The following BICC1 variants were observed in gnomAD, a reference collection of about 807,000 sequenced individuals.
BICC1 encodes protein bicaudal C homolog 1.
BICC1 carries 43 observed loss-of-function variants against 111.0 expected under a neutral mutation model. The ratio of observed to expected loss-of-function variants is 0.39; its 90% CI spans 0.30 to 0.50. The LOEUF (loss-of-function observed/expected upper bound fraction) is 0.50. BICC1 is among the 20% of genes least tolerant of loss of function. The probability of loss-of-function intolerance (pLI) is 0.88; values close to 1 mark genes in which losing one functional copy is unlikely to be tolerated. For missense variants in BICC1, 1,091 were observed against 1,203.2 expected (o/e 0.91, Z 1.38); for synonymous variants, 467 against 434.4 (o/e 1.07, Z -0.93).
chr10:58,811,533 C>T (rs978925006), intron 17 of BICC1, among the ~76,000 whole-genome samples: 9 of 152,252 alleles, frequency 5.9e-5, no homozygotes, highest in Non-Finnish European at 1.0e-4. Flanking sequence ...TTAGTGAAGG[C>T]GTCCCATAGT....
chr10:58,688,621 T>C (rs540956793), intron 2 of BICC1, among the ~76,000 whole-genome samples: 50 of 152,250 alleles, frequency 3.3e-4, no homozygotes, highest in African/African-American at 7.2e-4. Flanking sequence ...CAAAGACTTG[T>C]AACCACCCGA....
intron 1 of BICC1, among the ~76,000 whole-genome samples, chr10:58,593,983 G>T (rs1475458387): frequency 2.0e-5 from 3 of 151,772 alleles, no homozygotes; most frequent in Admixed American, 6.6e-5. Flanking sequence ...CTTTAAAAAA[G>T]GTGAGACGAA....
At chr10:58,721,693 A>G (rs570164449) in intron 3 of BICC1, among the ~76,000 whole-genome samples, 1 of 152,252 alleles carries the variant, frequency 6.6e-6, no homozygotes, top group Admixed American at 6.5e-5. Context: ...GAGCAAGAAG[A>G]AAGAGAGGGT....
intron 2 of BICC1, among the ~76,000 whole-genome samples, chr10:58,671,258 T>C (rs564478548): frequency 2.4e-4 from 37 of 152,180 alleles, no homozygotes; most frequent in African/African-American, 7.9e-4. Flanking sequence ...GTTGGAAGGG[T>C]ATTTGTTATG....
At chr10:58,709,737 C>A (rs568058048) in intron 3 of BICC1, among the ~76,000 whole-genome samples, 2 of 152,194 alleles carry the variant, frequency 1.3e-5, no homozygotes, top group African/African-American at 4.8e-5. Context: ...TCCCTATAGA[C>A]CCCTTAAGTA....
At chr10:58,824,485 G>A (rs1360336736) in intron 20 of BICC1, among the ~76,000 whole-genome samples, 2 of 152,160 alleles carry the variant, frequency 1.3e-5, no homozygotes, top group Non-Finnish European at 2.9e-5. Context: ...CATTTTGGAA[G>A]GCAGTGGGGT....
intron 3 of BICC1, among the ~76,000 whole-genome samples, chr10:58,717,006 T>G (rs1840765923): frequency 6.6e-6 from 1 of 152,022 alleles, no homozygotes; most frequent in South Asian, 2.1e-4. Flanking sequence ...CCAAAAGCTC[T>G]GGGATTTACC....
chr10:58,693,345 G>A (rs893854063), intron 2 of BICC1, among the ~76,000 whole-genome samples: 1 of 152,176 alleles, frequency 6.6e-6, no homozygotes, highest in African/African-American at 2.4e-5. Flanking sequence ...CTTTATAGCA[G>A]CATGATTTAT....
At chr10:58,703,287 C>G (rs1284711631) in intron 3 of BICC1, among the ~76,000 whole-genome samples, 3 of 83,844 alleles carry the variant, frequency 3.6e-5, no homozygotes, top group African/African-American at 1.2e-4. Context: ...ACCACAGACT[C>G]AAGTAGCTGG....
intron 2 of BICC1, among the ~76,000 whole-genome samples, chr10:58,622,875 A>G (rs545329807): frequency 1.6e-4 from 24 of 152,368 alleles, no homozygotes; most frequent in African/African-American, 5.8e-4. Flanking sequence ...AATAGGCTAC[A>G]TAGCTGTTCA....
intron 1 of BICC1, among the ~76,000 whole-genome samples, chr10:58,600,181 A>T (rs567425467): frequency 4.6e-5 from 7 of 152,188 alleles, no homozygotes; most frequent in African/African-American, 1.7e-4. Context: ...TTGAGACATC[A>T]GCTCCCAGCC....
chr10:58,655,118 A>C (rs1838591256), intron 2 of BICC1, among the ~76,000 whole-genome samples: 1 of 142,124 alleles, frequency 7.0e-6, no homozygotes, highest in African/African-American at 2.6e-5. Context: ...AGGTAGTGTG[A>C]TGCCTCCAGC....
chr10:58,769,402 GTGTATA>G (rs1176893526), intron 3 of BICC1, among the ~76,000 whole-genome samples: 7 of 112,252 alleles, frequency 6.2e-5, no homozygotes, highest in Non-Finnish European at 9.5e-5. Flanking sequence ...GTGTGTGTGT[GTGTATA>G]TATATATATA....
At chr10:58,639,910 G>C (rs754687258) in intron 2 of BICC1, among the ~76,000 whole-genome samples, 29 of 151,378 alleles carry the variant, frequency 1.9e-4, no homozygotes, top group Non-Finnish European at 3.7e-4. Flanking sequence ...ACAGGGTTTC[G>C]CCATGTTGCC....
At chr10:58,826,509 TG>T in intron 20 of BICC1, among the ~76,000 whole-genome samples, 1 of 150,836 alleles carries the variant, frequency 6.6e-6, no homozygotes, top group African/African-American at 2.4e-5. Context: ...CCCAGCACTT[TG>T]GGAGGCCAAG....
At chr10:58,601,365 A>G (rs549701974) in intron 1 of BICC1, among the ~76,000 whole-genome samples, 5 of 151,486 alleles carry the variant, frequency 3.3e-5, no homozygotes, top group East Asian at 1.9e-4. Flanking sequence ...TATGCAGTTT[A>G]TCATAATCAT....
chr10:58,802,359 T>C (rs1426383190), intron 14 of BICC1, among the ~76,000 whole-genome samples: 2 of 152,190 alleles, frequency 1.3e-5, no homozygotes, highest in South Asian at 2.1e-4. Flanking sequence ...GCTGAGTAGT[T>C]GAACAAATAA....
chr10:58,683,025 T>C (rs967126312), intron 2 of BICC1, among the ~76,000 whole-genome samples: 5 of 152,232 alleles, frequency 3.3e-5, no homozygotes, highest in African/African-American at 4.8e-5. Flanking sequence ...GGTCTAACAA[T>C]TAAGTCTTTA....
At chr10:58,522,235 A>G (rs1415162018) in intron 1 of BICC1, among the ~76,000 whole-genome samples, 1 of 152,038 alleles carries the variant, frequency 6.6e-6, no homozygotes, top group African/African-American at 2.4e-5. Flanking sequence ...TAAGTTAGGC[A>G]TAATAGATAC....
Sources: allele counts gnomAD v4.1 joint callset (sites outside exome capture counted in the v4.1 genomes callset), GRCh38; gene constraint gnomAD v4.1.1; transcripts MANE v1.5; gene names NCBI Gene and HGNC (gene_info 2026-07-23, HGNC 2026-07-21).